The following METTL9 variants were observed in gnomAD, a reference collection of about 807,000 sequenced individuals.
The protein encoded by METTL9 is methyltransferase 9, His-X-His N1(pi)-histidine.
Under a neutral mutation model 36.0 loss-of-function variants are expected in METTL9, and 10 were observed. That is an observed-to-expected ratio of 0.28 (90% CI 0.17 to 0.47). The LOEUF is 0.47. Ranked by LOEUF, METTL9 falls within the 20% of genes least tolerant of loss-of-function variation. The pLI, the probability that METTL9 is intolerant of heterozygous loss-of-function variation, is 0.99. For synonymous variants in METTL9, 175 were observed against 149.7 expected (o/e 1.17, Z -1.23); for missense variants, 246 against 383.5 (o/e 0.64, Z 3.00).
At chr16:21,613,271 C>G (rs1965478606) in intron 2 of METTL9, among the ~76,000 whole-genome samples, 1 of 147,512 alleles carries the variant, frequency 6.8e-6, no homozygotes, top group Non-Finnish European at 1.5e-5. Flanking sequence ...GCAGCCTCCG[C>G]CTCCCGGGTT....
At chr16:21,601,812 A>AT (rs1328554676) in intron 1 of METTL9, among the ~76,000 whole-genome samples, 6 of 151,594 alleles carry the variant, frequency 4.0e-5, no homozygotes, top group Admixed American at 3.9e-4. Context: ...TGAAGACTTA[A>AT]TATGGTGTTT....
intron 2 of METTL9, 82 bp from the exon 3 acceptor site, chr16:21,617,783 T>A (rs1965590552): frequency 5.0e-6 from 6 of 1,201,008 alleles, no homozygotes; most frequent in Admixed American, 1.8e-5. Context: ...TGGTGCTGAG[T>A]CACTATATTC....
At chr16:21,624,148 G>A (rs1027397105) in intron 3 of METTL9, among the ~76,000 whole-genome samples, 1 of 152,154 alleles carries the variant, frequency 6.6e-6, no homozygotes, top group Admixed American at 6.5e-5. Context: ...GTGCTCAAAG[G>A]TCATAAGTTA....
At chr16:21,642,826 G>A (rs765432840) in intron 4 of METTL9, among the ~76,000 whole-genome samples, 9 of 152,108 alleles carry the variant, frequency 5.9e-5, no homozygotes, top group Admixed American at 3.3e-4. Context: ...AACATTGCTC[G>A]TGTCTAATGT....
chr16:21,644,200 G>T, intron 4 of METTL9: 1 of 901,096 alleles, frequency 1.1e-6, no homozygotes, highest in Non-Finnish European at 1.8e-6. Flanking sequence ...CTCTTGCTGA[G>T]GCCCATAACT....
chr16:21,635,165 C>G (rs1567339520), intron 4 of METTL9, among the ~76,000 whole-genome samples: 1 of 152,162 alleles, frequency 6.6e-6, no homozygotes, highest in Non-Finnish European at 1.5e-5. Context: ...TGTAGGACAT[C>G]TGTGTACCTA....
chr16:21,612,567 T>C, intron 1 of METTL9, 78 bp from the exon 2 acceptor site: 1 of 1,341,380 alleles, frequency 7.5e-7, no homozygotes, highest in Non-Finnish European at 9.8e-7. Flanking sequence ...AGTCTTCTGG[T>C]TTTTTGTTTT....
chr16:21,598,304 G>C (rs542000694), upstream of METTL9, among the ~76,000 whole-genome samples: 64 of 147,136 alleles, frequency 4.3e-4, 1 homozygote, highest in African/African-American at 1.5e-3. Context: ...AGCCGAGATC[G>C]AGCCACTGCA....
Position 21,599,991 on chromosome 16 carries a change from G to T in METTL9, c.165+93G>T. On this transcript the variant is annotated intron_variant, in intron 1 of 4. Coordinates refer to ENST00000358154, the MANE Select transcript of METTL9 (RefSeq NM_016025.5). The surrounding 1 kb of genome is among the most constrained non-coding windows in gnomAD (Gnocchi z 4.4). ...TTGTGCGGGACGGCTCCGCGAGGGGGCGGCCCGGCCCTCGCCCCTCCGCCT... is the reference window on the plus strand; with the variant it reads ...TTGTGCGGGACGGCTCCGCGAGGGGTCGGCCCGGCCCTCGCCCCTCCGCCT... 1 of 1,089,690 alleles carries T rather than the reference G, an allele frequency of 9.2e-7. No homozygotes were observed. Among genetic ancestry groups the T allele is most frequent in the Non-Finnish European group, 1.1e-6 (1 of 870,770 alleles). The allele number at this position is 1,089,690 out of a possible 1,614,324, so 67.5% of individuals were successfully genotyped here.
intron 1 of METTL9, among the ~76,000 whole-genome samples, chr16:21,608,532 A>G (rs1407482757): frequency 1.3e-5 from 2 of 152,154 alleles, no homozygotes; most frequent in African/African-American, 4.8e-5. Context: ...GGGAAACACT[A>G]CTGGAGAGTC....
intron 3 of METTL9, among the ~76,000 whole-genome samples, chr16:21,619,675 A>G (rs1367854851): frequency 6.9e-6 from 1 of 145,336 alleles, no homozygotes; most frequent in Non-Finnish European, 1.5e-5. Context: ...TGACCTCGTG[A>G]TCTGCCTGCC....
chr16:21,599,322 T>C (rs996946875), upstream of METTL9, among the ~76,000 whole-genome samples: 1 of 152,036 alleles, frequency 6.6e-6, no homozygotes, highest in Non-Finnish European at 1.5e-5. The surrounding 1 kb of genome is among the most constrained non-coding windows in gnomAD (Gnocchi z 4.4). Context: ...TCCTCAGCCC[T>C]CAAAAAAATT....
intron 1 of METTL9, among the ~76,000 whole-genome samples, chr16:21,608,053 G>A (rs1480378813): frequency 6.6e-6 from 1 of 152,030 alleles, no homozygotes; most frequent in African/African-American, 2.4e-5. Flanking sequence ...GGAGGCTCAG[G>A]CGAGAGAATC....
intron 4 of METTL9, chr16:21,641,671 C>T: frequency 1.2e-6 from 1 of 815,672 alleles, no homozygotes; most frequent in Non-Finnish European, 2.0e-6. Flanking sequence ...ACATGCAAAC[C>T]ACTGGGCCAT....
At chr16:21,651,307 A>G (rs772568481) in intron 4 of METTL9, among the ~76,000 whole-genome samples, 2 of 151,952 alleles carry the variant, frequency 1.3e-5, no homozygotes, top group Non-Finnish European at 2.9e-5. Context: ...CTAGTAAGTA[A>G]GAAGTAAGTA....
intron 4 of METTL9, among the ~76,000 whole-genome samples, chr16:21,628,857 T>A (rs1285742231): frequency 6.6e-6 from 1 of 151,786 alleles, no homozygotes; most frequent in Non-Finnish European, 1.5e-5. Context: ...TTTTTTTTTT[T>A]ACTTGAAGTT....
intron 4 of METTL9, chr16:21,643,635 A>G: frequency 1.4e-6 from 2 of 1,409,948 alleles, no homozygotes; most frequent in Non-Finnish European, 2.0e-6. Context: ...GAAACATTTT[A>G]TGTACTCATA....
chr16:21,629,786 C>G, intron 4 of METTL9, among the ~76,000 whole-genome samples: 1 of 152,188 alleles, frequency 6.6e-6, no homozygotes, highest in East Asian at 1.9e-4. Context: ...CCTTATCTGG[C>G]CCCACCCACA....
At position 21,599,965 on chromosome 16, in the gene METTL9, A is replaced by G. The variant is rs1965067314; in HGVS notation, c.165+67A>G. The stretch of plus-strand genomic sequence containing the variant: ...CGGCCTTCCCGCGCTGGGCCCGGCT[A>G]TTGTGCGGGACGGCTCCGCGAGGGG... On this transcript the variant is annotated intron_variant, in intron 1 of 4. Coordinates refer to ENST00000358154, the MANE Select transcript of METTL9 (RefSeq NM_016025.5). The surrounding 1 kb of genome is among the most constrained non-coding windows in gnomAD (Gnocchi z 4.4). 8.0e-6 allele frequency: 10 copies of G among 1,244,316 alleles called. No individual in the cohort carries two copies. The highest frequency in any genetic ancestry group is 3.5e-5 in the East Asian group (1 of 28,594). 77.1% of individuals were successfully genotyped at this position (1,244,316 alleles called of 1,614,324 possible). A position where few individuals can be genotyped will look rare whatever the true frequency, so the allele number is the denominator to read the frequency against.
Sources: allele counts gnomAD v4.1 joint callset (sites outside exome capture counted in the v4.1 genomes callset), GRCh38; gene constraint gnomAD v4.1.1; non-coding constraint Gnocchi (gnomAD v3.1); transcripts MANE v1.5; gene names NCBI Gene and HGNC (gene_info 2026-07-23, HGNC 2026-07-21).